The following ACAP2 variants were observed in gnomAD, a reference collection of about 807,000 sequenced individuals.
The protein encoded by ACAP2 is arf-GAP with coiled-coil, ANK repeat and PH domain-containing protein 2.
ACAP2 carries 39 observed loss-of-function variants against 115.8 expected under a neutral mutation model. The observed-to-expected ratio is 0.34, with a 90% CI of 0.26 to 0.44. ACAP2 has a LOEUF of 0.44. ACAP2 is among the 20% of genes least tolerant of loss of function. ACAP2 has a pLI of 1.00. For synonymous variants in ACAP2, 289 were observed against 315.8 expected, an observed-to-expected ratio of 0.92 and a Z score of 0.90; for missense variants, 662 against 927.6, an observed-to-expected ratio of 0.71 and a Z score of 3.72.
intron 22 of ACAP2, among the ~76,000 whole-genome samples, chr3:195,280,281 G>A (rs1034484124): frequency 2.0e-5 from 3 of 152,102 alleles, no homozygotes; most frequent in Non-Finnish European, 4.4e-5. Context: ...GAGACCGCCC[G>A]GCCAACATGA....
chr3:195,407,241 T>C (rs1712858003), intron 1 of ACAP2, among the ~76,000 whole-genome samples: 1 of 149,642 alleles, frequency 6.7e-6, no homozygotes, highest in Non-Finnish European at 1.5e-5. Context: ...TCCATGTCTA[T>C]AATCCCAGCA....
chr3:195,290,849 T>TAAATAAAA (rs1553843260), intron 20 of ACAP2, among the ~76,000 whole-genome samples: 3 of 134,192 alleles, frequency 2.2e-5, no homozygotes, highest in African/African-American at 5.9e-5. Flanking sequence ...AATAAATAAA[T>TAAATAAAA]AATAAATAAA....
intron 1 of ACAP2, among the ~76,000 whole-genome samples, chr3:195,421,629 G>A (rs1405790567): frequency 6.6e-6 from 1 of 152,206 alleles, no homozygotes; most frequent in Non-Finnish European, 1.5e-5. Flanking sequence ...GCTGATTGAT[G>A]AGCAAGAAAT....
In ACAP2 at chr3:195,292,411, G is replaced by A. The variant is rs754262005; in HGVS notation, c.1807C>T (p.His603Tyr). Residue 603 changes from histidine to tyrosine, a missense_variant, in exon 19 of 23, where the codon CAT (histidine) becomes TAT (tyrosine). Physicochemically the swap from His to Tyr is moderately conservative, Grantham distance 83 (BLOSUM62 2). This residue lies in a region of ACAP2 where 133 missense variants were observed against 123.1 expected (regional missense o/e 1.08). Transcript: ENST00000326793. ...TAAAGCTGAAGTCCTGGATTAAGAT[G>A]TTTCGAGTCAAGAAACATAGAAGAA... Reference protein sequence around the residue: ...QDSSMFLDSKHLNPGLQLYRA... With the variant: ...QDSSMFLDSKYLNPGLQLYRA... The A allele has an allele frequency of 3.1e-6, 5 of 1,611,376 alleles. No individual in the cohort carries two copies. Among genetic ancestry groups the A allele is most frequent in the Non-Finnish European group, 4.2e-6 (5 of 1,179,314 alleles).
At chr3:195,394,732 T>C (rs1317609284) in intron 1 of ACAP2, among the ~76,000 whole-genome samples, 1 of 152,098 alleles carries the variant, frequency 6.6e-6, no homozygotes, top group Non-Finnish European at 1.5e-5. Context: ...TCTCAAAAAA[T>C]TCCAAATAAA....
intron 1 of ACAP2, among the ~76,000 whole-genome samples, chr3:195,424,275 ATATATATATTTTTTTTTTTTTT>A (rs1714459553): frequency 3.8e-5 from 2 of 52,804 alleles, no homozygotes; most frequent in Non-Finnish European, 7.3e-5. Context: ...ATATATATAT[ATATATATATTTTTTTTTTTTTT>A]TTTTTTTTTT....
intron 6 of ACAP2, among the ~76,000 whole-genome samples, chr3:195,337,700 G>T (rs1158823247): frequency 1.3e-5 from 2 of 152,144 alleles, no homozygotes; most frequent in Non-Finnish European, 2.9e-5. Flanking sequence ...ACCCGCCTTG[G>T]CCTCCCAAAG....
intron 4 of ACAP2, among the ~76,000 whole-genome samples, chr3:195,364,601 T>C (rs1292944357): frequency 6.6e-6 from 1 of 151,964 alleles, no homozygotes; most frequent in Non-Finnish European, 1.5e-5. Context: ...AAAATAAAGG[T>C]TTTTATCCAA....
intron 9 of ACAP2, among the ~76,000 whole-genome samples, chr3:195,323,846 T>C (rs1729603162): frequency 1.3e-5 from 2 of 151,820 alleles, no homozygotes; most frequent in African/African-American, 2.4e-5. Flanking sequence ...TAGTATTTGA[T>C]AGCACAACAG....
chr3:195,322,115 T>G (rs968550771), intron 9 of ACAP2, among the ~76,000 whole-genome samples: 1 of 152,150 alleles, frequency 6.6e-6, no homozygotes, highest in African/African-American at 2.4e-5. Context: ...AACTTCCAAT[T>G]TTCTTCCACA....
intron 4 of ACAP2, among the ~76,000 whole-genome samples, chr3:195,348,475 C>T (rs962588373): frequency 2.6e-5 from 4 of 151,920 alleles, no homozygotes; most frequent in Non-Finnish European, 4.4e-5. Context: ...AAAAATCTAT[C>T]GGAAAATCTA....
At chr3:195,391,752 T>C (rs984810272) in intron 2 of ACAP2, among the ~76,000 whole-genome samples, 2 of 151,928 alleles carry the variant, frequency 1.3e-5, no homozygotes, top group African/African-American at 2.4e-5. Context: ...CCTAGCACTT[T>C]GGGAGGCCAA....
At chr3:195,437,830 A>G (rs938205224) in intron 1 of ACAP2, among the ~76,000 whole-genome samples, 1 of 149,006 alleles carries the variant, frequency 6.7e-6, no homozygotes, top group African/African-American at 2.5e-5. Flanking sequence ...AAAAAAAAAA[A>G]AAAAGCAAAA....
At chr3:195,337,050 T>A in intron 6 of ACAP2, 74 bp from the exon 7 acceptor site, 2 of 1,330,972 alleles carry the variant, frequency 1.5e-6, no homozygotes, top group Non-Finnish European at 2.1e-6. Flanking sequence ...ATTGTAAAGC[T>A]TATTTTAATG....
In ACAP2 at chr3:195,428,776, G is replaced by A. The variant is rs1195515972; in HGVS notation, c.53+14019C>T. Among the ~76,000 whole-genome samples the A allele has an allele frequency of 7.9e-5, 12 of 152,220 alleles. No homozygotes were observed. The East Asian group carries it at 2.3e-3, about 29-fold the overall frequency. ...CTCACACAATGGGTAATATCAAAAG[G>A]TGATATTACCAAATGCTAGCAAGAA... On this transcript the variant is annotated intron_variant, in intron 1 of 22. Coordinates refer to ENST00000326793, the MANE Select transcript of ACAP2 (RefSeq NM_012287.6).
chr3:195,314,205 T>G (rs1218218938), intron 10 of ACAP2, among the ~76,000 whole-genome samples: 1 of 152,028 alleles, frequency 6.6e-6, no homozygotes, highest in Non-Finnish European at 1.5e-5. Flanking sequence ...TGTTGTTTTT[T>G]TTTTTTTTAA....
intron 4 of ACAP2, among the ~76,000 whole-genome samples, chr3:195,376,776 C>A (rs79668450): frequency 0.021 from 3,263 of 152,222 alleles, 114 homozygotes; most frequent in East Asian, 0.1. Flanking sequence ...TCTATTTAAG[C>A]CCACAAAGTT....
chr3:195,292,921 C>CAAAAAA (rs3988217), intron 18 of ACAP2, among the ~76,000 whole-genome samples: 3 of 76,720 alleles, frequency 3.9e-5, no homozygotes, highest in African/African-American at 5.4e-5. Flanking sequence ...GACTCAGTCT[C>CAAAAAA]AAAAAAAAAA....
intron 1 of ACAP2, chr3:195,419,672 C>T (rs1714014846): frequency 6.6e-6 from 1 of 152,188 alleles, no homozygotes; most frequent in Admixed American, 6.5e-5. Context: ...TCCAATACTA[C>T]ATTCACAGCT....
Sources: allele counts gnomAD v4.1 joint callset (sites outside exome capture counted in the v4.1 genomes callset), GRCh38; gene constraint gnomAD v4.1.1; regional missense constraint gnomAD v4.1.1; transcripts MANE v1.5; gene names NCBI Gene and HGNC (gene_info 2026-07-23, HGNC 2026-07-21).